PEAK1: variants seen among roughly 807,000 people sequenced by gnomAD.
The protein encoded by PEAK1 is pseudopodium enriched atypical kinase 1.
Under a neutral mutation model 124.7 loss-of-function variants are expected in PEAK1, and 54 were observed. That is an observed-to-expected ratio of 0.43 (90% CI 0.35 to 0.54). PEAK1 has a LOEUF of 0.54. Ranked by LOEUF, PEAK1 falls within the 20% of genes least tolerant of loss-of-function variation. The pLI is 0.01. For synonymous variants in PEAK1, 719 were observed against 760.0 expected, an observed-to-expected ratio of 0.95 and a Z score of 0.89; for missense variants, 2,046 against 2,134.5, an observed-to-expected ratio of 0.96 and a Z score of 0.82.
chr15:77,249,304 C>T (rs142967994), intron 6 of PEAK1, among the ~76,000 whole-genome samples: 412 of 152,166 alleles, frequency 2.7e-3, no homozygotes, highest in Middle Eastern at 0.017. Context: ...AGAATATACT[C>T]CCCTACCCAC....
At chr15:77,316,978 G>A (rs574480506) in intron 2 of PEAK1, among the ~76,000 whole-genome samples, 2 of 152,282 alleles carry the variant, frequency 1.3e-5, no homozygotes, top group African/African-American at 2.4e-5. Context: ...CTACTTAGGA[G>A]GCTGAGGCAG....
Position 77,351,815 on chromosome 15 carries a change from CG to C in PEAK1, c.-603+13347del, listed in dbSNP as rs543737511. 5.5e-5 allele frequency: 54 copies of C among 985,316 alleles called. No homozygotes were observed. The African/African-American group carries it at 9.1e-4, about 17-fold the overall frequency. The allele number at this position is 985,316 out of a possible 1,614,324, so 61.0% of individuals were successfully genotyped here. On this transcript the variant is annotated intron_variant, in intron 2 of 9. Coordinates refer to ENST00000682557, the MANE Select transcript of PEAK1 (RefSeq NM_001385026.1). The stretch of plus-strand genomic sequence containing the variant: ...GTGGAGCACTGAAAAGTTTTGAACA[CG>C]GGTGTGGTAACAGTTTGAGTTTTAG...
In PEAK1 at chr15:77,255,433, A is replaced by T. The variant is rs114304276; in HGVS notation, c.-274-2907T>A. On this transcript the variant is annotated intron_variant, in intron 5 of 9. Coordinates refer to ENST00000682557, the MANE Select transcript of PEAK1 (RefSeq NM_001385026.1). ...AAAAGTTCTTCTCTCCCTGCATTAGAAAAGAAAGAAGTTACCTTTCTGTTT... is the reference window on the plus strand; with the variant it reads ...AAAAGTTCTTCTCTCCCTGCATTAGTAAAGAAAGAAGTTACCTTTCTGTTT... 2,291 of 934,260 alleles carry T rather than the reference A, an allele frequency of 2.5e-3. 50 individuals are homozygous for T. In the African/African-American group the frequency reaches 0.038, roughly 16 times the overall value. 57.9% of individuals were successfully genotyped at this position (934,260 alleles called of 1,614,324 possible). A position where few individuals can be genotyped will look rare whatever the true frequency, so the allele number is the denominator to read the frequency against.
chr15:77,258,166 C>T (rs531218746), intron 5 of PEAK1, among the ~76,000 whole-genome samples: 1 of 152,304 alleles, frequency 6.6e-6, no homozygotes, highest in East Asian at 1.9e-4. Flanking sequence ...TGGCGTGATG[C>T]CTCCAGCTTT....
intron 5 of PEAK1, among the ~76,000 whole-genome samples, chr15:77,257,223 G>T (rs1046787595): frequency 6.6e-6 from 1 of 151,680 alleles, no homozygotes; most frequent in Non-Finnish European, 1.5e-5. Context: ...ATGATTTATA[G>T]TCCTTTGGGT....
At chr15:77,352,527 C>T (rs1371228113) in intron 2 of PEAK1, 2 of 977,382 alleles carry the variant, frequency 2.0e-6, no homozygotes, top group Non-Finnish European at 2.4e-6. Context: ...AAAATACATA[C>T]ATTTTAAATT....
intron 6 of PEAK1, among the ~76,000 whole-genome samples, chr15:77,229,250 T>C (rs952339453): frequency 6.6e-6 from 1 of 152,206 alleles, no homozygotes; most frequent in Non-Finnish European, 1.5e-5. Context: ...CATTGAAGTT[T>C]AGCACCTTTC....
At chr15:77,156,128 C>T (rs1428089959) in intron 8 of PEAK1, 1 of 153,332 alleles carries the variant, frequency 6.5e-6, no homozygotes, top group Non-Finnish European at 1.5e-5. Flanking sequence ...GGCAGGCCCC[C>T]TTGAGCTGTG....
intron 4 of PEAK1, 67 bp from the exon 5 acceptor site, chr15:77,284,097 T>C (rs1471283471): frequency 2.4e-6 from 2 of 828,994 alleles, no homozygotes; most frequent in Non-Finnish European, 2.9e-6. Flanking sequence ...CCCAGCTATA[T>C]GACCAATTCA....
chr15:77,115,391 C>T lies in PEAK1; in HGVS notation c.4078-72G>A, dbSNP rs1340543520. ...TTTATGATGTATCAGGGAAGATTAA[C>T]TGGAAGGTGACTGGTTAGGGACAAA... On this transcript the variant is annotated intron_variant, in intron 9 of 9. Coordinates refer to ENST00000682557, the MANE Select transcript of PEAK1 (RefSeq NM_001385026.1). The T allele has an allele frequency of 4.3e-6, 6 of 1,389,832 alleles. No homozygotes were observed. The South Asian group carries it at 6.6e-5, about 15-fold the overall frequency. The allele number at this position is 1,389,832 out of a possible 1,614,324, so 86.1% of individuals were successfully genotyped here.
intron 9 of PEAK1, among the ~76,000 whole-genome samples, chr15:77,120,510 C>T (rs868671675): frequency 6.6e-6 from 1 of 152,208 alleles, no homozygotes; most frequent in African/African-American, 2.4e-5. Context: ...TCTTCACTCC[C>T]TATGGCTAAT....
chr15:77,400,600 T>TA (rs960179073), intron 1 of PEAK1, among the ~76,000 whole-genome samples: 1 of 152,146 alleles, frequency 6.6e-6, no homozygotes, highest in African/African-American at 2.4e-5. Flanking sequence ...TTGTGGGATC[T>TA]AAAAATTAAA....
chr15:77,399,471 C>T (rs1481776525), intron 1 of PEAK1, among the ~76,000 whole-genome samples: 2 of 152,064 alleles, frequency 1.3e-5, no homozygotes, highest in Non-Finnish European at 2.9e-5. Flanking sequence ...TAAAAATAAA[C>T]TCACAGACCA....
chr15:77,221,820 C>T lies in PEAK1; in HGVS notation c.-115+30547G>A, dbSNP rs545588599. 5.3e-5 allele frequency among the ~76,000 whole-genome samples: 8 copies of T among 152,132 alleles called. No homozygotes were observed. The South Asian group carries it at 6.2e-4, about 12-fold the overall frequency. On this transcript the variant is annotated intron_variant, in intron 6 of 9. Coordinates refer to ENST00000682557, the MANE Select transcript of PEAK1 (RefSeq NM_001385026.1). ...GTGATAATCTGCAGGAATTTTGGGC[C>T]GAATCAAAGGCTCTGCCTGAAAAGA...
chr15:77,165,940 AC>A (rs2056064105), intron 7 of PEAK1, among the ~76,000 whole-genome samples: 2 of 152,204 alleles, frequency 1.3e-5, no homozygotes, highest in Non-Finnish European at 2.9e-5. Flanking sequence ...TCCTTCCACC[AC>A]ACTGTTAAGA....
At chr15:77,154,987 T>C (rs1315924867) in intron 8 of PEAK1, among the ~76,000 whole-genome samples, 2 of 152,072 alleles carry the variant, frequency 1.3e-5, no homozygotes, top group Non-Finnish European at 1.5e-5. Context: ...TCTCGAGGAG[T>C]ATCTGTGGCG....
At chr15:77,202,622 T>C (rs1241661784) in intron 6 of PEAK1, among the ~76,000 whole-genome samples, 1 of 150,250 alleles carries the variant, frequency 6.7e-6, no homozygotes, top group Admixed American at 6.6e-5. Flanking sequence ...AAAAAAAAAA[T>C]AGCTGGGCAT....
chr15:77,403,450 T>C lies in PEAK1; in HGVS notation c.-666+16556A>G, dbSNP rs917913767. On this transcript the variant is annotated intron_variant, in intron 1 of 9. Coordinates refer to ENST00000682557, the MANE Select transcript of PEAK1 (RefSeq NM_001385026.1). ...CTTACATATTGATTGTAAGGGTAAA[T>C]AATTATTAAAGAGTTCTCATATTCC... 6 of 929,500 alleles carry C rather than the reference T, an allele frequency of 6.5e-6. No individual in the cohort carries two copies. In the African/African-American group the frequency reaches 7.2e-5, roughly 11 times the overall value. The allele number at this position is 929,500 out of a possible 1,614,324, so 57.6% of individuals were successfully genotyped here.
intron 6 of PEAK1, among the ~76,000 whole-genome samples, chr15:77,182,365 C>T (rs2057319208): frequency 6.6e-6 from 1 of 152,118 alleles, no homozygotes; most frequent in East Asian, 1.9e-4. Flanking sequence ...TTCTCTAACA[C>T]TTCCCAGCCC....
Sources: allele counts gnomAD v4.1 joint callset (sites outside exome capture counted in the v4.1 genomes callset), GRCh38; gene constraint gnomAD v4.1.1; transcripts MANE v1.5; gene names NCBI Gene and HGNC (gene_info 2026-07-23, HGNC 2026-07-21).